PRKCA: variants seen among roughly 807,000 people sequenced by gnomAD.
PRKCA encodes protein kinase C alpha.
A neutral mutation model predicts 87.0 loss-of-function variants in PRKCA; 27 were observed. That is an observed-to-expected ratio of 0.31 (90% confidence interval 0.23 to 0.43). The LOEUF is 0.43. Among genes scored for constraint, PRKCA ranks in the 20% least tolerant of loss-of-function variants. The pLI is 1.00. For synonymous variants in PRKCA, 329 were observed against 311.1 expected (o/e 1.06, Z -0.61); for missense variants, 518 against 852.3 (o/e 0.61, Z 4.88).
intron 5 of PRKCA, among the ~76,000 whole-genome samples, chr17:66,649,955 G>A (rs1226233477): frequency 1.3e-5 from 2 of 152,172 alleles, no homozygotes; most frequent in Non-Finnish European, 2.9e-5. Context: ...AGAGAGCTCC[G>A]ATTGAGAGAG....
chr17:66,585,695 C>T (rs898885452), intron 3 of PRKCA, among the ~76,000 whole-genome samples: 4 of 152,184 alleles, frequency 2.6e-5, no homozygotes, highest in African/African-American at 4.8e-5. Context: ...GAGCAGGGAG[C>T]CAGCAGCTTA....
chr17:66,316,880 C>T (rs1454808560), intron 2 of PRKCA, among the ~76,000 whole-genome samples: 2 of 152,068 alleles, frequency 1.3e-5, no homozygotes, highest in Admixed American at 6.6e-5. Context: ...TGGTGGCTCA[C>T]GCCTGTAATC....
chr17:66,316,352 A>T (rs976151900), intron 2 of PRKCA, among the ~76,000 whole-genome samples: 1 of 152,274 alleles, frequency 6.6e-6, no homozygotes, highest in East Asian at 1.9e-4. Flanking sequence ...ACAAATACAG[A>T]GATTACTGTA....
intron 3 of PRKCA, among the ~76,000 whole-genome samples, chr17:66,555,282 A>G (rs531119369): frequency 7.9e-5 from 12 of 152,132 alleles, no homozygotes; most frequent in Non-Finnish European, 1.6e-4. Flanking sequence ...TTCTTTCTGG[A>G]TTGTTGCGTG....
At chr17:66,514,071 T>C (rs974696605) in intron 3 of PRKCA, among the ~76,000 whole-genome samples, 1 of 152,218 alleles carries the variant, frequency 6.6e-6, no homozygotes, top group Non-Finnish European at 1.5e-5. Flanking sequence ...TTACATACAG[T>C]ATATTAGTAT....
At chr17:66,781,611 G>A (rs1012070678) in intron 14 of PRKCA, among the ~76,000 whole-genome samples, 4 of 152,094 alleles carry the variant, frequency 2.6e-5, no homozygotes, top group Admixed American at 6.6e-5. Flanking sequence ...GACGTGTATC[G>A]TATCACCCCA....
chr17:66,449,180 T>G (rs1209507629), intron 2 of PRKCA, among the ~76,000 whole-genome samples: 1 of 152,012 alleles, frequency 6.6e-6, no homozygotes, highest in Admixed American at 6.6e-5. Context: ...GCCTAGCTAC[T>G]TGGGAGGCTG....
chr17:66,476,607 G>C (rs368719766), intron 2 of PRKCA, among the ~76,000 whole-genome samples: 9 of 152,144 alleles, frequency 5.9e-5, no homozygotes, highest in African/African-American at 2.2e-4. Context: ...GGATTTCTTT[G>C]TATGTTTTCT....
rs9912646 is a variant in PRKCA at position 66,385,998 on chromosome 17, G to A, written c.205+79871G>A. ...TGGTCTTGAACTCCTGACCTCAGGC[G>A]ATCCGCCCACCTCGGCCTCCCAAAG... On this transcript the variant is annotated intron_variant, in intron 2 of 16. Transcript: ENST00000413366. 9.0e-3 allele frequency among the ~76,000 whole-genome samples: 1,359 copies of A among 151,392 alleles called. 21 individuals carry two copies. The highest frequency in any genetic ancestry group is 0.032 in the African/African-American group (1,297 of 40,742).
chr17:66,455,071 CT>C (rs1371182120), intron 2 of PRKCA, among the ~76,000 whole-genome samples: 1 of 152,148 alleles, frequency 6.6e-6, no homozygotes, highest in Non-Finnish European at 1.5e-5. Context: ...GTCGACGCAG[CT>C]ATAGGTCTGG....
chr17:66,400,047 A>G lies in PRKCA; in HGVS notation c.205+93920A>G, dbSNP rs898463568. ...ATTTCAGATTTCAGATTTTTGTGTT[A>G]GGGATCTTCAACATCATTCTATTTT... On this transcript the variant is annotated intron_variant, in intron 2 of 16. Coordinates refer to ENST00000413366, the MANE Select transcript of PRKCA (RefSeq NM_002737.3). 1.8e-4 allele frequency among the ~76,000 whole-genome samples: 28 copies of G among 152,338 alleles called. 1 individual carries two copies. Among genetic ancestry groups the G allele is most frequent in the Admixed American group, 1.7e-3 (26 of 15,308 alleles).
intron 8 of PRKCA, among the ~76,000 whole-genome samples, chr17:66,694,655 C>G (rs2144063339): frequency 6.7e-6 from 1 of 149,916 alleles, no homozygotes; most frequent in South Asian, 2.1e-4. Context: ...AGGTCCAGTA[C>G]TTTTGTTGGT....
rs1976108187 is a variant in PRKCA, at chr17:66,809,115, C to G, written c.*5078C>G. 1 of 152,178 alleles carries G rather than the reference C, an allele frequency of 6.6e-6. No individual in the cohort carries two copies. The highest frequency in any genetic ancestry group is 6.5e-5 in the Admixed American group (1 of 15,278). The allele number at this position is 152,178 out of a possible 1,614,324, so 9.4% of individuals were successfully genotyped here. A position where few individuals can be genotyped will look rare whatever the true frequency, so the allele number is the denominator to read the frequency against. ...TCCCATTTGGGCTGATGCAGCAGAT[C>G]CAGGGAATGTTACCTGTTTCTGCTG... On this transcript the variant is annotated 3_prime_UTR_variant, in exon 17 of 17. Transcript: ENST00000413366.
chr17:66,758,941 A>G (rs1475650693), intron 13 of PRKCA, among the ~76,000 whole-genome samples: 2 of 152,216 alleles, frequency 1.3e-5, no homozygotes, highest in Admixed American at 6.5e-5. Flanking sequence ...GTGTGTGTGC[A>G]TATCCTATGT....
chr17:66,513,143 C>T (rs1278728875), intron 3 of PRKCA, among the ~76,000 whole-genome samples: 1 of 152,192 alleles, frequency 6.6e-6, no homozygotes, highest in African/African-American at 2.4e-5. Context: ...TCTGTTTAAC[C>T]TAAAATGGTG....
At chr17:66,511,479 G>A (rs1234616671) in intron 3 of PRKCA, among the ~76,000 whole-genome samples, 1 of 152,098 alleles carries the variant, frequency 6.6e-6, no homozygotes, top group African/African-American at 2.4e-5. Flanking sequence ...GTAATTCATC[G>A]TAATCGTTGT....
intron 4 of PRKCA, 65 bp downstream of exon 4, chr17:66,641,531 C>CCTTCCTTGCTCAGCA: frequency 8.3e-7 from 1 of 1,206,570 alleles, no homozygotes; most frequent in Non-Finnish European, 1.2e-6. Context: ...GTTTGCTGAG[C>CCTTCCTTGCTCAGCA]AAGGAAGGCT....
rs146533972 is a variant in PRKCA, at chr17:66,789,982, G to A, written c.1854+1003G>A. ...TGCCTTCCAGCTCTGCCACCATCTT[G>A]GCCAGCATCAGGCAGCTCCCCATTG... On this transcript the variant is annotated intron_variant, in intron 16 of 16. Transcript: ENST00000413366. 4.7e-4 allele frequency among the ~76,000 whole-genome samples: 71 copies of A among 152,314 alleles called. No individual in the cohort carries two copies. In the East Asian group the frequency reaches 0.013, roughly 27 times the overall value.
At chr17:66,394,791 T>C (rs1910565507) in intron 2 of PRKCA, among the ~76,000 whole-genome samples, 1 of 152,108 alleles carries the variant, frequency 6.6e-6, no homozygotes, top group African/African-American at 2.4e-5. Context: ...TGGTTCTATA[T>C]AAGGGGCTCT....
Sources: allele counts gnomAD v4.1 joint callset (sites outside exome capture counted in the v4.1 genomes callset), GRCh38; gene constraint gnomAD v4.1.1; transcripts MANE v1.5; gene names NCBI Gene and HGNC (gene_info 2026-07-23, HGNC 2026-07-21).